CTDSP1: variants seen among roughly 807,000 people sequenced by gnomAD.
CTDSP1 encodes the protein carboxy-terminal domain RNA polymerase II polypeptide A small phosphatase 1.
A neutral mutation model predicts 32.5 loss-of-function variants in CTDSP1; 15 were observed. The observed-to-expected ratio is 0.46, with a 90% CI of 0.31 to 0.71. The LOEUF is 0.71. Ranked by LOEUF, CTDSP1 falls within the 30% of genes least tolerant of loss-of-function variation. The pLI is 0.05. For missense variants in CTDSP1, 294 were observed against 351.1 expected (o/e 0.84, Z 1.30); for synonymous variants, 185 against 145.4 (o/e 1.27, Z -1.96).
At position 218,402,417 on chromosome 2, in the gene CTDSP1, G is replaced by A. The variant is rs1190476405; in HGVS notation, c.378+12G>A. ...GGGTGGTCCACCAGGTGAGGGCCAG[G>A]AAGAGGCAGTGGTGGGCTTGGCATC... is the stretch of plus-strand genomic sequence containing the variant. On this transcript the variant is annotated intron_variant, in intron 4 of 6. Transcript: ENST00000273062. 6.2e-7 allele frequency: 1 copy of A among 1,604,160 alleles called. No individual in the cohort carries two copies. Among genetic ancestry groups the A allele is most frequent in the South Asian group, 1.1e-5 (1 of 89,270 alleles).
chr2:218,398,486 G>T (rs1368904832), upstream of CTDSP1: 1 of 1,480,954 alleles, frequency 6.8e-7, no homozygotes, highest in East Asian at 2.7e-5. Flanking sequence ...CGGGGTATCA[G>T]TCCCCGACAG....
intron 1 of CTDSP1, chr2:218,401,310 T>A (rs1697124195): frequency 5.4e-6 from 3 of 552,250 alleles, no homozygotes; most frequent in Middle Eastern, 4.9e-4. Context: ...GACCTCCTTC[T>A]CCAGGCCACG....
In CTDSP1 at chr2:218,402,231, C is replaced by G. The variant is rs1374351929; in HGVS notation, c.321+16C>G. ...CTCCTTCAAGGTGGGCCCTGCTCAA[C>G]AGCCCTCAGCCCGGGTCTCGGGGGG... is the stretch of plus-strand genomic sequence containing the variant. On this transcript the variant is annotated intron_variant, in intron 3 of 6. Transcript: ENST00000273062. 1 of 1,612,344 alleles carries G rather than the reference C, an allele frequency of 6.2e-7. No individual in the cohort carries two copies. Among genetic ancestry groups the G allele is most frequent in the Admixed American group, 1.7e-5 (1 of 60,018 alleles).
chr2:218,401,353 G>C (rs951115242), intron 1 of CTDSP1: 1 of 601,870 alleles, frequency 1.7e-6, no homozygotes, highest in African/African-American at 1.9e-5. Context: ...ATACCTGCTA[G>C]ACCTATTTGT....
Position 218,399,904 on chromosome 2 carries a change from C to CA in CTDSP1, c.-184dup, listed in dbSNP as rs1203349871. ...GCGGGAAGGAAACTCCATGTTGTAACAAAGTTTCCTCCGCGCCCCCTCCCT... is the reference window on the plus strand; with the variant it reads ...GCGGGAAGGAAACTCCATGTTGTAACAAAAGTTTCCTCCGCGCCCCCTCCCT... On this transcript the variant is annotated 5_prime_UTR_variant, in exon 1 of 7. Coordinates refer to ENST00000273062, the MANE Select transcript of CTDSP1 (RefSeq NM_021198.3). 5.7e-5 allele frequency: 72 copies of CA among 1,267,312 alleles called. No individual in the cohort carries two copies. Among genetic ancestry groups the CA allele is most frequent in the Non-Finnish European group, 7.0e-5 (71 of 1,007,194 alleles). 78.5% of individuals were successfully genotyped at this position (1,267,312 alleles called of 1,614,324 possible).
intron 1 of CTDSP1, chr2:218,400,617 G>A: frequency 2.4e-6 from 1 of 410,280 alleles, no homozygotes; most frequent in Non-Finnish European, 4.9e-6. Context: ...AGGCTGGGGA[G>A]GCTTGGAGGG....
At chr2:218,400,982 GGGTGGGA>G in intron 1 of CTDSP1, 2 of 442,816 alleles carry the variant, frequency 4.5e-6, no homozygotes, top group Admixed American at 4.9e-5. Context: ...GAGGGGGGTG[GGGTGGGA>G]GGGGTATCTG....
At position 218,400,889 on chromosome 2, in the gene CTDSP1, T is replaced by G. The variant is rs534485017; in HGVS notation, c.68-675T>G. 2.7e-5 allele frequency: 12 copies of G among 451,754 alleles called. No homozygotes were observed. The East Asian group carries it at 8.6e-4, about 32-fold the overall frequency. 28.0% of individuals were successfully genotyped at this position (451,754 alleles called of 1,614,324 possible). A position where few individuals can be genotyped will look rare whatever the true frequency, so the allele number is the denominator to read the frequency against. ...CGTGTGGACCTCAGGATCTGGACGC[T>G]GCCCCCAGGTCTGCCCACCCTCGCC... is the stretch of plus-strand genomic sequence containing the variant. On this transcript the variant is annotated intron_variant, in intron 1 of 6. Transcript: ENST00000273062.
At chr2:218,402,930 C>T (rs1697226561) in intron 4 of CTDSP1, 105 bp from the exon 5 acceptor site, 1 of 821,352 alleles carries the variant, frequency 1.2e-6, no homozygotes, top group Admixed American at 2.0e-5. Flanking sequence ...CGGGCCCAGT[C>T]TCCTTCCTGT....
At chr2:218,400,307 A>C in intron 1 of CTDSP1, 150 bp downstream of exon 1, 1 of 787,156 alleles carries the variant, frequency 1.3e-6, no homozygotes, top group Non-Finnish European at 2.1e-6. Context: ...GCAGGGAGAG[A>C]GTTTGAACTC....
Position 218,401,638 on chromosome 2 carries a change from C to G in CTDSP1, c.142C>G (p.Arg48Gly), listed in dbSNP as rs547460809. Residue 48 changes from arginine to glycine, a missense_variant, in exon 2 of 7, where the codon CGG (arginine) becomes GGG (glycine). Coordinates refer to ENST00000273062, the MANE Select transcript of CTDSP1 (RefSeq NM_021198.3). ...CCACTCACTCTTCTGCTGTGTCTGC[C>G]GGGATGATGGGGAGGCCCTGCCTGC... ...ILHSLFCCVC[R>G]DDGEALPAHS... 5 of 1,613,160 alleles carry G rather than the reference C, an allele frequency of 3.1e-6. No individual in the cohort carries two copies. The South Asian group carries it at 4.4e-5, about 14-fold the overall frequency.
intron 1 of CTDSP1, 26 bp downstream of exon 1, chr2:218,400,183 G>A: frequency 3.3e-6 from 5 of 1,529,502 alleles, no homozygotes; most frequent in Non-Finnish European, 3.5e-6. Context: ...GGAGGGGGCC[G>A]AAGCCGGGGC....
upstream of CTDSP1, chr2:218,399,722 C>T (rs1193346189): frequency 3.0e-6 from 3 of 998,758 alleles, 1 homozygote; most frequent in East Asian, 2.0e-4. Context: ...CCCTGGAGCG[C>T]GGCAGGAACC....
At chr2:218,402,682 T>C (rs1343108411) in intron 4 of CTDSP1, 2 of 764,218 alleles carry the variant, frequency 2.6e-6, no homozygotes, top group African/African-American at 3.4e-5. Flanking sequence ...ATAGGTTGTG[T>C]GCTGTCCAGC....
At chr2:218,402,024 C>A in intron 2 of CTDSP1, 87 bp from the exon 3 acceptor site, 3 of 942,844 alleles carry the variant, frequency 3.2e-6, no homozygotes, top group South Asian at 2.8e-5. Context: ...TGGGGTTCCT[C>A]TGGAGACGGC....
In CTDSP1 at chr2:218,405,923, A is replaced by G. The variant is rs1183083452; in HGVS notation, c.*1498A>G. On this transcript the variant is annotated 3_prime_UTR_variant, in exon 7 of 7. Transcript: ENST00000273062. ...AGAGCCCTAGTGTGATGAGAACTAA[A>G]GAGAAAGCCAGACCCCTATCCTGCT... The G allele has an allele frequency of 6.5e-6, 1 of 152,808 alleles. No individual in the cohort carries two copies. The highest frequency in any genetic ancestry group is 1.5e-5 in the Non-Finnish European group (1 of 68,078). The allele number at this position is 152,808 out of a possible 1,614,324, so 9.5% of individuals were successfully genotyped here.
At chr2:218,398,685 G>A (rs2106348485), upstream of CTDSP1, 2 of 335,118 alleles carry the variant, frequency 6.0e-6, no homozygotes, top group Admixed American at 4.9e-5. Flanking sequence ...CGCCCGCCCC[G>A]CCCCGCCACG....
chr2:218,399,900 G>A lies in CTDSP1; in HGVS notation c.-191G>A, dbSNP rs1003655635. ...CCTCGCGGGAAGGAAACTCCATGTT[G>A]TAACAAAGTTTCCTCCGCGCCCCCT... On this transcript the variant is annotated 5_prime_UTR_variant, in exon 1 of 7. Transcript: ENST00000273062. 1.6e-6 allele frequency: 2 copies of A among 1,267,862 alleles called. No individual in the cohort carries two copies. The highest frequency in any genetic ancestry group is 2.6e-5 in the South Asian group (1 of 39,152). The allele number at this position is 1,267,862 out of a possible 1,614,324, so 78.5% of individuals were successfully genotyped here.
At chr2:218,402,927 A>T in intron 4 of CTDSP1, 108 bp from the exon 5 acceptor site, 1 of 794,418 alleles carries the variant, frequency 1.3e-6, no homozygotes, top group East Asian at 2.6e-5. Flanking sequence ...CTGCGGGCCC[A>T]GTCTCCTTCC....
Sources: allele counts gnomAD v4.1 joint callset, GRCh38; gene constraint gnomAD v4.1.1; transcripts MANE v1.5; gene names NCBI Gene and HGNC (gene_info 2026-07-23, HGNC 2026-07-21).